Variants in GASK1A observed in about 807,000 individuals in gnomAD.
The protein encoded by GASK1A is Golgi-associated kinase 1A.
A neutral mutation model predicts 41.2 loss-of-function variants in GASK1A; 40 were observed. That is an observed-to-expected ratio of 0.97 (90% CI 0.75 to 1.27). The LOEUF (loss-of-function observed/expected upper bound fraction) is 1.27. GASK1A is among the 50% of genes most tolerant of loss of function. The probability of loss-of-function intolerance (pLI) is 0.00; values close to 1 mark genes in which losing one functional copy is unlikely to be tolerated. For synonymous variants in GASK1A, 316 were observed against 307.1 expected (o/e 1.03, Z -0.30); for missense variants, 678 against 745.1 (o/e 0.91, Z 1.05).
chr3:43,033,044 C>G lies in GASK1A; in HGVS notation c.781C>G (p.Leu261Val). 1 of 1,551,716 alleles carries G rather than the reference C, an allele frequency of 6.4e-7. No homozygotes were observed. The highest frequency in any genetic ancestry group is 8.7e-7 in the Non-Finnish European group (1 of 1,147,008). ...SRTGGQAPPW[L>V]TDHDVQMLRL... is the part of the protein sequence containing the mutation. ...GACTGGTGGGCAGGCTCCCCCATGG[C>G]TGACAGACCACGATGTGCAGATGCT... The change falls in exon 2 of 5, where the codon CTG becomes GTG. Residue 261 changes from leucine (L) to valine (V), a missense_variant. By Grantham distance (32) the Leu-to-Val change is conservative. Coordinates refer to ENST00000430121, the MANE Select transcript of GASK1A (RefSeq NM_001129908.3).
chr3:42,982,659 C>T (rs556605659), intron 1 of GASK1A, among the ~76,000 whole-genome samples: 1 of 152,336 alleles, frequency 6.6e-6, no homozygotes, highest in East Asian at 1.9e-4. Context: ...GCCAGCTTCT[C>T]ATTATCCATG....
chr3:43,033,111 T>G lies in GASK1A; in HGVS notation c.848T>G (p.Val283Gly). 6.4e-7 allele frequency: 1 copy of G among 1,551,584 alleles called. No homozygotes were observed. Among genetic ancestry groups the G allele is most frequent in the Non-Finnish European group, 8.7e-7 (1 of 1,146,942 alleles). ...GGGGAGGTGGTGGACAAAGCCAGGGTCCCCGCCCATGGGCAGGTGCTACAG... is the reference window on the plus strand; with the variant it reads ...GGGGAGGTGGTGGACAAAGCCAGGGGCCCCGCCCATGGGCAGGTGCTACAG... ...AQGEVVDKAR[V>G]PAHGQVLQVG... Residue 283 changes from valine to glycine, a missense_variant, in exon 2 of 5, where the codon GTC (valine) becomes GGC (glycine). Val to Gly is a moderately radical substitution (Grantham distance 109, BLOSUM62 -3). Transcript: ENST00000430121.
At chr3:42,998,386 A>G (rs76598613) in intron 1 of GASK1A, among the ~76,000 whole-genome samples, 1,602 of 152,152 alleles carry the variant, frequency 0.011, 15 homozygotes, top group Admixed American at 0.015. Context: ...TCTAGGGCAG[A>G]CCTGGAGCTC....
intron 1 of GASK1A, among the ~76,000 whole-genome samples, chr3:42,985,948 C>T (rs929803693): frequency 2.0e-5 from 3 of 152,162 alleles, no homozygotes; most frequent in Admixed American, 6.5e-5. Context: ...TAAACATACA[C>T]TTACCATATA....
intron 1 of GASK1A, among the ~76,000 whole-genome samples, chr3:43,012,720 C>T (rs537417782): frequency 6.7e-6 from 1 of 149,122 alleles, no homozygotes; most frequent in Admixed American, 6.6e-5. Context: ...TGTGTGAAGT[C>T]ACAGGAAGGG....
At chr3:42,980,466 C>G (rs910297105) in intron 1 of GASK1A, among the ~76,000 whole-genome samples, 1 of 152,358 alleles carries the variant, frequency 6.6e-6, no homozygotes, top group East Asian at 1.9e-4. Context: ...CACTGGGCTC[C>G]CCTGGCTGCT....
At chr3:43,010,566 G>A (rs2089458426) in intron 1 of GASK1A, among the ~76,000 whole-genome samples, 1 of 152,128 alleles carries the variant, frequency 6.6e-6, no homozygotes, top group Non-Finnish European at 1.5e-5. Context: ...ATTTCATGAG[G>A]GTGGAGAATT....
chr3:42,986,125 G>A (rs2089308054), intron 1 of GASK1A, among the ~76,000 whole-genome samples: 1 of 152,158 alleles, frequency 6.6e-6, no homozygotes, highest in South Asian at 2.1e-4. Flanking sequence ...ATGTCCATAC[G>A]GTGGACTACT....
At chr3:43,041,095 A>G (rs368484211) in intron 2 of GASK1A, among the ~76,000 whole-genome samples, 10 of 149,262 alleles carry the variant, frequency 6.7e-5, no homozygotes, top group African/African-American at 2.4e-4. Flanking sequence ...TGGTGTATAT[A>G]TGCCACATTT....
At chr3:43,044,309 G>T (rs1360215560) in intron 2 of GASK1A, among the ~76,000 whole-genome samples, 1 of 152,178 alleles carries the variant, frequency 6.6e-6, no homozygotes, top group Non-Finnish European at 1.5e-5. Context: ...AGGCTTGTGC[G>T]TGGAAGAGAT....
chr3:42,997,437 AGGG>A (rs377496588), intron 1 of GASK1A, among the ~76,000 whole-genome samples: 1 of 108,694 alleles, frequency 9.2e-6, no homozygotes, highest in Non-Finnish European at 2.0e-5. Context: ...AGACAGAGAG[AGGG>A]GGGGGGGATC....
intron 4 of GASK1A, 58 bp from the exon 5 acceptor site, chr3:43,056,118 C>A: frequency 1.5e-6 from 2 of 1,368,456 alleles, no homozygotes; most frequent in Non-Finnish European, 2.0e-6. Flanking sequence ...TACTGAAATT[C>A]TCTGAGATTA....
At chr3:43,037,280 C>T in intron 2 of GASK1A, 3 of 906,326 alleles carry the variant, frequency 3.3e-6, no homozygotes, top group Middle Eastern at 2.2e-4. Flanking sequence ...AGCCAACTCC[C>T]CAGATGAACG....
chr3:43,003,684 G>A (rs1409216082), intron 1 of GASK1A, among the ~76,000 whole-genome samples: 1 of 152,012 alleles, frequency 6.6e-6, no homozygotes, highest in African/African-American at 2.4e-5. Flanking sequence ...GGTGCAGCAG[G>A]AAAATATCAG....
intron 1 of GASK1A, among the ~76,000 whole-genome samples, chr3:43,030,033 G>A (rs1247077105): frequency 6.6e-6 from 1 of 152,174 alleles, no homozygotes; most frequent in African/African-American, 2.4e-5. Flanking sequence ...TTTTGCTGCT[G>A]TCACCCAGGC....
At position 43,056,515 on chromosome 3, in the gene GASK1A, C is replaced by CATCCCAGGCAGGTGAAA; in HGVS notation, c.*129_*130insATCCCAGGCAGGTGAAA. ...ACAAGGATGTCACGGGATATTTCAC[C>CATCCCAGGCAGGTGAAA]TGCCTGGGATGGTGGAGGTAGTATG... On this transcript the variant is annotated 3_prime_UTR_variant, in exon 5 of 5. Transcript: ENST00000430121. The CATCCCAGGCAGGTGAAA allele has an allele frequency of 1.2e-6, 1 of 813,604 alleles. No homozygotes were observed. Among genetic ancestry groups the CATCCCAGGCAGGTGAAA allele is most frequent in the Non-Finnish European group, 1.9e-6 (1 of 530,284 alleles). The allele number at this position is 813,604 out of a possible 1,614,324, so 50.4% of individuals were successfully genotyped here.
chr3:43,049,931 C>A (rs1008256710), intron 2 of GASK1A, among the ~76,000 whole-genome samples: 3 of 151,112 alleles, frequency 2.0e-5, no homozygotes, highest in Non-Finnish European at 3.0e-5. Flanking sequence ...TCTCCCCCCC[C>A]ACTTTTATGC....
At chr3:43,037,447 A>C in intron 2 of GASK1A, 1 of 785,380 alleles carries the variant, frequency 1.3e-6, no homozygotes, top group South Asian at 1.8e-5. Flanking sequence ...AATAAAGAAG[A>C]GTAAACTTAC....
intron 1 of GASK1A, among the ~76,000 whole-genome samples, chr3:42,992,574 G>T (rs769079359): frequency 3.9e-5 from 6 of 152,150 alleles, no homozygotes; most frequent in Admixed American, 3.9e-4. Context: ...AGGAGTGGGG[G>T]ATACCTTAGA....
Sources: gnomAD v4.1 joint callset for allele counts (sites outside exome capture counted in the v4.1 genomes callset) on GRCh38, gnomAD v4.1.1 for gene constraint, MANE v1.5 for transcripts, NCBI Gene and HGNC (gene_info 2026-07-23, HGNC 2026-07-21) for gene names.